Variants in C13orf46 observed in about 807,000 individuals in gnomAD.
The protein encoded by C13orf46 is uncharacterized protein C13orf46.
the C13orf46 span, among the ~76,000 whole-genome samples, chr13:113,947,419 T>G: frequency 6.6e-6 from 1 of 152,278 alleles, no homozygotes; most frequent in East Asian, 1.9e-4. Context: ...TGCCGTCTGC[T>G]GTCGGAAGCA....
the C13orf46 span, among the ~76,000 whole-genome samples, chr13:113,943,090 A>G: frequency 0.013 from 2,008 of 152,150 alleles, 33 homozygotes; most frequent in East Asian, 0.049. Flanking sequence ...CCCACAGGAG[A>G]GCTCGGGGAG....
rs2052520453 is a variant in C13orf46, at chr13:113,955,537, AGGAGCATCTCGTGGAGAGG to A, written c.*1217_*1235del. 2.1e-3 allele frequency: 69 copies of A among 32,668 alleles called. No homozygotes were observed. Among genetic ancestry groups the A allele is most frequent in the Admixed American group, 1.1e-3 (3 of 2,786 alleles). 2.0% of individuals were successfully genotyped at this position (32,668 alleles called of 1,614,324 possible). ...AGCGGAGGAGCATCTGGCGGAGACG[AGGAGCATCTCGTGGAGAGG>A]AGGAGCATCTCGTGGAGAGGAGGAG... is the stretch of plus-strand genomic sequence containing the variant. On this transcript the variant is annotated 3_prime_UTR_variant, in exon 7 of 7. Coordinates refer to ENST00000636427, the MANE Select transcript of C13orf46 (RefSeq NM_001365455.2).
intron 6 of C13orf46, among the ~76,000 whole-genome samples, chr13:113,963,739 C>T (rs911101016): frequency 2.0e-5 from 3 of 152,054 alleles, no homozygotes; most frequent in African/African-American, 4.8e-5. Flanking sequence ...GTCAGGTGCT[C>T]CCATGTGCTT....
chr13:113,948,649 C>T, the C13orf46 span, among the ~76,000 whole-genome samples: 6 of 152,276 alleles, frequency 3.9e-5, no homozygotes, highest in Middle Eastern at 3.4e-3. Context: ...CTGAACCTCA[C>T]GCTGAACCTC....
chr13:113,936,878 C>T, the C13orf46 span, among the ~76,000 whole-genome samples: 2 of 151,558 alleles, frequency 1.3e-5, no homozygotes, highest in African/African-American at 2.4e-5. Flanking sequence ...TAGGTTCCAC[C>T]GTAGTGACGT....
At chr13:113,951,495 G>A (rs1029128749), downstream of C13orf46, among the ~76,000 whole-genome samples, 1 of 152,078 alleles carries the variant, frequency 6.6e-6, no homozygotes, top group East Asian at 1.9e-4. Flanking sequence ...CAACAGCACT[G>A]CCCACTCGGG....
In C13orf46 at chr13:113,956,334, T is replaced by C. The variant is rs1466697443; in HGVS notation, c.*439A>G. 2.3e-5 allele frequency: 2 copies of C among 88,020 alleles called. No individual in the cohort carries two copies. The highest frequency in any genetic ancestry group is 6.0e-5 in the Non-Finnish European group (2 of 33,502). The allele number at this position is 88,020 out of a possible 1,614,324, so 5.5% of individuals were successfully genotyped here. A position where few individuals can be genotyped will look rare whatever the true frequency, so the allele number is the denominator to read the frequency against. ...GGTGGAGAGGAGGAGTAGTATCTGG[T>C]GGAGAGGAGTAGTATCTGGTGGAGA... is the stretch of plus-strand genomic sequence containing the variant. On this transcript the variant is annotated 3_prime_UTR_variant, in exon 7 of 7. Transcript: ENST00000636427.
At position 113,966,836 on chromosome 13, in the gene C13orf46, T is replaced by C. The variant is rs1566421895; in HGVS notation, c.504+505A>G. On this transcript the variant is annotated intron_variant, in intron 5 of 6. Transcript: ENST00000636427. The stretch of plus-strand genomic sequence containing the variant: ...CCATGATGATGATGATAAGCTTTCC[T>C]GGGTGTGAGGCACTGCTCTGAGAGC... Among the ~76,000 whole-genome samples the C allele has an allele frequency of 2.0e-5, 3 of 152,206 alleles. No individual in the cohort carries two copies. In the East Asian group the frequency reaches 5.8e-4, roughly 29 times the overall value.
chr13:113,949,214 C>A (rs1397281106), downstream of C13orf46, among the ~76,000 whole-genome samples: 1 of 152,254 alleles, frequency 6.6e-6, no homozygotes, highest in African/African-American at 2.4e-5. Flanking sequence ...GCCCACCTCC[C>A]CACTCTCTTC....
At chr13:113,945,860 T>G in the C13orf46 span, among the ~76,000 whole-genome samples, 1 of 152,188 alleles carries the variant, frequency 6.6e-6, no homozygotes, top group African/African-American at 2.4e-5. Flanking sequence ...GCCAGTCTTA[T>G]CCAGGCCATG....
At chr13:113,953,305 G>C (rs969265110), downstream of C13orf46, among the ~76,000 whole-genome samples, 2 of 152,214 alleles carry the variant, frequency 1.3e-5, no homozygotes, top group Non-Finnish European at 2.9e-5. Flanking sequence ...GAAGGTGTGA[G>C]CCAGGCCTGG....
chr13:113,936,653 A>G, the C13orf46 span, among the ~76,000 whole-genome samples: 1 of 151,906 alleles, frequency 6.6e-6, no homozygotes, highest in Non-Finnish European at 1.5e-5. Context: ...TGCAGAGACC[A>G]GGGTCTCTCA....
the C13orf46 span, among the ~76,000 whole-genome samples, chr13:113,936,798 AC>A: frequency 6.6e-6 from 1 of 151,940 alleles, no homozygotes; most frequent in African/African-American, 2.4e-5. Flanking sequence ...AGGGAGGCTG[AC>A]CGGTCCAGGG....
rs945506847 is a variant in C13orf46, at chr13:113,966,183, A to G, written c.504+1158T>C. The stretch of plus-strand genomic sequence containing the variant: ...GATAGTGGTGATGGTGATGATGATG[A>G]TGGTGATGATGGTCATGATGATGGT... On this transcript the variant is annotated intron_variant, in intron 5 of 6. Transcript: ENST00000636427. Among the ~76,000 whole-genome samples, 144 of 60,456 alleles carry G rather than the reference A, an allele frequency of 2.4e-3. 2 individuals carry two copies. Among genetic ancestry groups the G allele is most frequent in the East Asian group, 6.8e-3 (18 of 2,664 alleles). 39.7% of individuals were successfully genotyped at this position (60,456 alleles called of 152,430 possible). A position where few individuals can be genotyped will look rare whatever the true frequency, so the allele number is the denominator to read the frequency against.
chr13:113,934,495 A>AATTTTTAAAAATTTC, the C13orf46 span, among the ~76,000 whole-genome samples: 1 of 152,242 alleles, frequency 6.6e-6, no homozygotes, highest in Non-Finnish European at 1.5e-5. Context: ...TTTAAAAATC[A>AATTTTTAAAAATTTC]CTTTCAAATA....
the C13orf46 span, among the ~76,000 whole-genome samples, chr13:113,940,225 C>T: frequency 6.6e-6 from 1 of 152,200 alleles, no homozygotes; most frequent in Non-Finnish European, 1.5e-5. Context: ...TGGGCCGTTT[C>T]CCCGGAAGCG....
the C13orf46 span, among the ~76,000 whole-genome samples, chr13:113,933,930 G>A: frequency 6.6e-6 from 1 of 152,170 alleles, no homozygotes; most frequent in Non-Finnish European, 1.5e-5. Context: ...GTTTCCGTGT[G>A]TTTGTTTTAT....
rs1372966389 is a variant in C13orf46, at chr13:113,955,396, G to A, written c.*1377C>T. 1.3e-3 allele frequency: 216 copies of A among 171,758 alleles called. 1 individual carries two copies. Among genetic ancestry groups the A allele is most frequent in the Admixed American group, 2.1e-3 (32 of 14,904 alleles). 10.6% of individuals were successfully genotyped at this position (171,758 alleles called of 1,614,324 possible). A position where few individuals can be genotyped will look rare whatever the true frequency, so the allele number is the denominator to read the frequency against. ...GAGAGGAGGAGCATCCGGCGGAGACGAGGAGCATCCGGCGGTGACGAGGAG... is the reference window on the plus strand; with the variant it reads ...GAGAGGAGGAGCATCCGGCGGAGACAAGGAGCATCCGGCGGTGACGAGGAG... On this transcript the variant is annotated 3_prime_UTR_variant, in exon 7 of 7. Coordinates refer to ENST00000636427, the MANE Select transcript of C13orf46 (RefSeq NM_001365455.2).
intron 2 of C13orf46, among the ~76,000 whole-genome samples, chr13:113,969,838 AGAC>A (rs2052685394): frequency 6.6e-6 from 1 of 152,170 alleles, no homozygotes; most frequent in Admixed American, 6.5e-5. Context: ...TCCACTAGTG[AGAC>A]GACGCCTCCT....
Sources: gnomAD v4.1 joint callset for allele counts (sites outside exome capture counted in the v4.1 genomes callset) on GRCh38, gnomAD v4.1.1 for gene constraint, MANE v1.5 for transcripts, NCBI Gene and HGNC (gene_info 2026-07-23, HGNC 2026-07-21) for gene names.